CD302: variants seen among roughly 807,000 people sequenced by gnomAD.
The protein encoded by CD302 is CD302 molecule.
A neutral mutation model predicts 26.5 loss-of-function variants in CD302; 23 were observed. The ratio of observed to expected loss-of-function variants is 0.87; its 90% CI spans 0.62 to 1.23. The LOEUF (loss-of-function observed/expected upper bound fraction) is 1.23, where lower values mean the gene tolerates loss of function less well. CD302 is among the 50% of genes most tolerant of loss of function. CD302 has a pLI of 0.00. For missense variants in CD302, 290 were observed against 275.5 expected, an observed-to-expected ratio of 1.05 and a Z score of -0.37; for synonymous variants, 90 against 99.4, an observed-to-expected ratio of 0.91 and a Z score of 0.56.
intron 3 of CD302, among the ~76,000 whole-genome samples, chr2:159,780,385 A>G (rs1038940176): frequency 6.6e-6 from 1 of 152,180 alleles, no homozygotes. Context: ...AGATGATCCA[A>G]TTTTCGCAAA....
intron 1 of CD302, among the ~76,000 whole-genome samples, chr2:159,791,477 G>A (rs1441970326): frequency 6.6e-6 from 1 of 152,164 alleles, no homozygotes; most frequent in African/African-American, 2.4e-5. Flanking sequence ...CCCTCTGATG[G>A]CCTATACATG....
At chr2:159,783,232 A>G (rs972725560) in intron 2 of CD302, 127 bp downstream of exon 2, 2 of 698,736 alleles carry the variant, frequency 2.9e-6, no homozygotes, top group African/African-American at 3.6e-5. Context: ...GTTGTCAAAT[A>G]AAAGTTGTAC....
intron 1 of CD302, among the ~76,000 whole-genome samples, chr2:159,789,170 A>AT (rs55884912): frequency 4.0e-5 from 6 of 150,112 alleles, no homozygotes; most frequent in Non-Finnish European, 8.9e-5. Flanking sequence ...AATTTGTTTG[A>AT]TTTTTTTTTT....
At chr2:159,794,848 C>G (rs1394402777) in intron 1 of CD302, among the ~76,000 whole-genome samples, 2 of 151,286 alleles carry the variant, frequency 1.3e-5, no homozygotes, top group Non-Finnish European at 2.9e-5. Context: ...ACGCCCAGCT[C>G]AAAATTTATT....
chr2:159,776,409 G>A (rs147507514), intron 5 of CD302, among the ~76,000 whole-genome samples: 2 of 152,082 alleles, frequency 1.3e-5, no homozygotes, highest in Non-Finnish European at 2.9e-5. Context: ...TCAGTTATTT[G>A]GGATACATAC....
chr2:159,793,640 A>G (rs1708867505), intron 1 of CD302, among the ~76,000 whole-genome samples: 1 of 152,204 alleles, frequency 6.6e-6, no homozygotes, highest in Non-Finnish European at 1.5e-5. Context: ...AAGAGGGGCT[A>G]TTTATTACAT....
Position 159,772,004 on chromosome 2 carries a change from C to G in CD302, c.546G>C (p.Leu182Phe), listed in dbSNP as rs749801280. ...ACCAAATGATTGCTCCCAAAACTGT[C>G]AAAATTACCGTGCTAGCAATCACCA... ...SALVIASTVI[L>F]TVLGAIIWFL... is the part of the protein sequence containing the mutation. The change falls in exon 6 of 6, where the codon TTG (leucine) becomes TTC (phenylalanine). Residue 182 changes from leucine (L) to phenylalanine (F), a missense_variant. Transcript: ENST00000259053. 20 of 1,613,764 alleles carry G rather than the reference C, an allele frequency of 1.2e-5. No individual in the cohort carries two copies. Among genetic ancestry groups the G allele is most frequent in the Non-Finnish European group, 1.6e-5 (19 of 1,179,920 alleles).
At chr2:159,782,410 C>A in intron 2 of CD302, among the ~76,000 whole-genome samples, 1 of 76,928 alleles carries the variant, frequency 1.3e-5, no homozygotes. Context: ...GAGACTCCAT[C>A]TCACAAAAAA....
At chr2:159,780,567 G>A (rs146355410) in intron 3 of CD302, among the ~76,000 whole-genome samples, 17 of 152,172 alleles carry the variant, frequency 1.1e-4, no homozygotes, top group African/African-American at 2.4e-4. Flanking sequence ...TAATAGAACC[G>A]TGATAATTTA....
At position 159,770,459 on chromosome 2, in the gene CD302, G is replaced by A. The variant is rs1708105359; in HGVS notation, c.*1392C>T. The A allele has an allele frequency of 6.6e-6, 1 of 152,088 alleles. No homozygotes were observed. Among genetic ancestry groups the A allele is most frequent in the South Asian group, 2.1e-4 (1 of 4,826 alleles). The allele number at this position is 152,088 out of a possible 1,614,324, so 9.4% of individuals were successfully genotyped here. ...TCGATTCATGTGGTCAATAAAAAGA[G>A]ACTACACAAGCTGGAACTTTGTTGC... On this transcript the variant is annotated 3_prime_UTR_variant, in exon 6 of 6. Transcript: ENST00000259053.
At chr2:159,794,594 G>C (rs1174942537) in intron 1 of CD302, among the ~76,000 whole-genome samples, 2 of 151,464 alleles carry the variant, frequency 1.3e-5, no homozygotes, top group African/African-American at 4.8e-5. Flanking sequence ...TGTCGCCCAG[G>C]CTGGAGTGCA....
chr2:159,775,404 T>A (rs1273743066), intron 5 of CD302, among the ~76,000 whole-genome samples: 5 of 152,346 alleles, frequency 3.3e-5, no homozygotes, highest in African/African-American at 1.2e-4. Flanking sequence ...CAGACCTATT[T>A]TTTTCTAAAT....
rs1708129847 is a variant in CD302, at chr2:159,770,998, T to C, written c.*853A>G. On this transcript the variant is annotated 3_prime_UTR_variant, in exon 6 of 6. Coordinates refer to ENST00000259053, the MANE Select transcript of CD302 (RefSeq NM_014880.5). ...TTCACCTTTTTCTTAAAATGTACAA[T>C]AAATGCACTGAAAACTTTGATCACT... 6.6e-6 allele frequency: 1 copy of C among 152,214 alleles called. No individual in the cohort carries two copies. Among genetic ancestry groups the C allele is most frequent in the South Asian group, 2.1e-4 (1 of 4,836 alleles). The allele number at this position is 152,214 out of a possible 1,614,324, so 9.4% of individuals were successfully genotyped here. A position where few individuals can be genotyped will look rare whatever the true frequency, so the allele number is the denominator to read the frequency against.
At position 159,770,290 on chromosome 2, in the gene CD302, TAC is replaced by T. The variant is rs1403220621; in HGVS notation, c.*1559_*1560del. 1.3e-5 allele frequency: 2 copies of T among 152,172 alleles called. No individual in the cohort carries two copies. Among genetic ancestry groups the T allele is most frequent in the African/African-American group, 4.8e-5 (2 of 41,432 alleles). 9.4% of individuals were successfully genotyped at this position (152,172 alleles called of 1,614,324 possible). On this transcript the variant is annotated 3_prime_UTR_variant, in exon 6 of 6. Coordinates refer to ENST00000259053, the MANE Select transcript of CD302 (RefSeq NM_014880.5). ...CAAAATCTCAGAAATGTAAAGCTCT[TAC>T]AGAGCATGCTTGTGCTTGTGTAACA... is the stretch of plus-strand genomic sequence containing the variant.
chr2:159,776,012 C>CTTTTTTTTTTT (rs71406197), intron 5 of CD302, among the ~76,000 whole-genome samples: 914 of 81,190 alleles, frequency 0.011, 112 homozygotes, highest in African/African-American at 0.036. Flanking sequence ...CGGGTTTCAA[C>CTTTTTTTTTTT]TTTTTTTTTT....
At position 159,798,151 on chromosome 2, in the gene CD302, G is replaced by T. The variant is rs1392663367; in HGVS notation, c.48C>A (p.Leu16=). 1 of 1,485,458 alleles carries T rather than the reference G, an allele frequency of 6.7e-7. No individual in the cohort carries two copies. Among genetic ancestry groups the T allele is most frequent in the Non-Finnish European group, 8.9e-7 (1 of 1,123,604 alleles). 92.0% of individuals were successfully genotyped at this position (1,485,458 alleles called of 1,614,324 possible). The change falls in exon 1 of 6, where the codon CTC becomes CTA. Residue 16 remains leucine, a synonymous_variant. Transcript: ENST00000259053. ...GCTTACCCGCGACGGCAGCAGCGGC[G>T]AGGCCCAGCAACGGCAGCAGGAGCG... is the stretch of plus-strand genomic sequence containing the variant. ...LPALLLPLLG[L]AAAAVADCPS...
chr2:159,772,577 T>C (rs1483105822), intron 5 of CD302, among the ~76,000 whole-genome samples: 1 of 152,214 alleles, frequency 6.6e-6, no homozygotes, highest in African/African-American at 2.4e-5. Context: ...TGCACAACTT[T>C]GCAGTTCTTG....
chr2:159,794,158 A>G (rs968051969), intron 1 of CD302, among the ~76,000 whole-genome samples: 6 of 151,330 alleles, frequency 4.0e-5, no homozygotes, highest in Non-Finnish European at 5.9e-5. Context: ...CCAGCTACTC[A>G]GGGGGCTGAG....
At chr2:159,789,553 G>A (rs1978585) in intron 1 of CD302, among the ~76,000 whole-genome samples, 139,462 of 150,800 alleles carry the variant, frequency 0.92, 64,668 homozygotes, top group Middle Eastern at 0.97. Context: ...CACCCCCTTA[G>A]GCCTGTTTTT....
Sources: allele counts gnomAD v4.1 joint callset (sites outside exome capture counted in the v4.1 genomes callset), GRCh38; gene constraint gnomAD v4.1.1; transcripts MANE v1.5; gene names NCBI Gene and HGNC (gene_info 2026-07-23, HGNC 2026-07-21).